ETV4: variants seen among roughly 807,000 people sequenced by gnomAD.
ETV4 encodes ETS translocation variant 4.
In ETV4, 42 loss-of-function variants were observed where a neutral mutation model predicts 65.9. That is an observed-to-expected ratio of 0.64 (90% CI 0.50 to 0.82). ETV4 has a LOEUF of 0.82. Ranked by LOEUF, ETV4 falls within the 40% of genes least tolerant of loss-of-function variation. The pLI, the probability that ETV4 is intolerant of heterozygous loss-of-function variation, is 0.00. For synonymous variants in ETV4, 238 were observed against 260.0 expected (o/e 0.92, Z 0.81); for missense variants, 583 against 630.3 (o/e 0.92, Z 0.80).
chr17:43,539,956 A>G (rs535521118), intron 4 of ETV4, among the ~76,000 whole-genome samples: 16 of 152,350 alleles, frequency 1.1e-4, no homozygotes, highest in Non-Finnish European at 2.4e-4. Flanking sequence ...ACAAGCCACC[A>G]GCAGCTAAAC....
chr17:43,544,892 A>C, intron 4 of ETV4, 83 bp downstream of exon 4: 1 of 1,316,992 alleles, frequency 7.6e-7, no homozygotes. Context: ...GGAGAAGTGT[A>C]GGGCTTAGGG....
chr17:43,544,803 G>C (rs1449732977), intron 4 of ETV4, 172 bp downstream of exon 4: 2 of 612,156 alleles, frequency 3.3e-6, no homozygotes, highest in African/African-American at 3.7e-5. Flanking sequence ...AAGTGTCCAC[G>C]CTGGGTGCTG....
intron 10 of ETV4, 95 bp from the exon 11 acceptor site, chr17:43,529,771 C>T (rs1970795678): frequency 2.5e-6 from 4 of 1,597,838 alleles, no homozygotes; most frequent in Non-Finnish European, 3.4e-6. Context: ...GGGGTCTCCC[C>T]AGGTACTTTT....
intron 8 of ETV4, among the ~76,000 whole-genome samples, chr17:43,530,897 G>A (rs944429599): frequency 1.3e-5 from 2 of 152,140 alleles, no homozygotes; most frequent in African/African-American, 4.8e-5. Context: ...AGGCGGGAGG[G>A]TGGGCTCATT....
intron 8 of ETV4, among the ~76,000 whole-genome samples, chr17:43,531,319 C>T (rs947137990): frequency 3.3e-5 from 5 of 152,224 alleles, no homozygotes; most frequent in Non-Finnish European, 5.9e-5. Flanking sequence ...GACTGGCCCT[C>T]CTTCGGCCCT....
At chr17:43,541,198 C>A (rs12603164) in intron 4 of ETV4, among the ~76,000 whole-genome samples, 2 of 152,032 alleles carry the variant, frequency 1.3e-5, no homozygotes, top group Non-Finnish European at 2.9e-5. Flanking sequence ...GGCCTTCTCC[C>A]AAAGGGGTAG....
intron 5 of ETV4, 26 bp downstream of exon 5, chr17:43,536,400 C>G: frequency 6.2e-7 from 1 of 1,608,524 alleles, no homozygotes; most frequent in Non-Finnish European, 8.5e-7. Flanking sequence ...ACTCCCTATA[C>G]CCTCTCCCCA....
chr17:43,536,942 T>G (rs1448533300), intron 4 of ETV4, among the ~76,000 whole-genome samples: 1 of 152,258 alleles, frequency 6.6e-6, no homozygotes, highest in Non-Finnish European at 1.5e-5. Context: ...GCTTTGTCTT[T>G]ATTTCCTCCA....
chr17:43,534,116 ATTTTC>A, intron 5 of ETV4, 131 bp from the exon 6 acceptor site: 1 of 968,546 alleles, frequency 1.0e-6, no homozygotes, highest in Non-Finnish European at 1.4e-6. Flanking sequence ...CTGGGTATCA[ATTTTC>A]TGAGACCCGC....
intron 4 of ETV4, among the ~76,000 whole-genome samples, chr17:43,542,201 A>G (rs1265938886): frequency 6.6e-6 from 1 of 152,100 alleles, no homozygotes; most frequent in African/African-American, 2.4e-5. Context: ...GATAAAAGCT[A>G]TGGGTCATTC....
chr17:43,537,417 G>T (rs754488871), intron 4 of ETV4, among the ~76,000 whole-genome samples: 8 of 151,748 alleles, frequency 5.3e-5, no homozygotes, highest in Non-Finnish European at 7.4e-5. Context: ...GGGGTGGCTG[G>T]GCGCAGTGGT....
intron 8 of ETV4, chr17:43,530,457 C>A: frequency 1.5e-6 from 2 of 1,344,390 alleles, no homozygotes; most frequent in Non-Finnish European, 1.9e-6. Flanking sequence ...GCCCAAGCTG[C>A]CAGGGAGCAG....
At position 43,546,202 on chromosome 17, in the gene ETV4, G is replaced by A. The variant is rs1971812730; in HGVS notation, c.-69C>T. ...AGCCTCACCTGAGGCCGGGGCGTCTGGGCTGGAGCCGCGGGGGGTCCCGAG... is the reference window on the plus strand; with the variant it reads ...AGCCTCACCTGAGGCCGGGGCGTCTAGGCTGGAGCCGCGGGGGGTCCCGAG... On this transcript the variant is annotated 5_prime_UTR_variant, in exon 1 of 13. Coordinates refer to ENST00000319349, the MANE Select transcript of ETV4 (RefSeq NM_001079675.5). The A allele has an allele frequency of 6.5e-6, 1 of 153,812 alleles. No homozygotes were observed. The highest frequency in any genetic ancestry group is 1.4e-5 in the Non-Finnish European group (1 of 69,282). 9.5% of individuals were successfully genotyped at this position (153,812 alleles called of 1,614,324 possible).
At chr17:43,535,993 C>T (rs959482913) in intron 5 of ETV4, among the ~76,000 whole-genome samples, 1 of 152,178 alleles carries the variant, frequency 6.6e-6, no homozygotes. Flanking sequence ...TGCCTGTAAT[C>T]CCAGCTACTC....
intron 5 of ETV4, among the ~76,000 whole-genome samples, chr17:43,536,024 T>C (rs1364743955): frequency 6.6e-6 from 1 of 152,206 alleles, no homozygotes; most frequent in Non-Finnish European, 1.5e-5. Context: ...GGCAGGAGAA[T>C]GGCTTAAACC....
chr17:43,537,190 A>G (rs901880001), intron 4 of ETV4, among the ~76,000 whole-genome samples: 136 of 151,864 alleles, frequency 9.0e-4, no homozygotes, highest in African/African-American at 3.2e-3. Flanking sequence ...ACATGACGAA[A>G]CCCCATCTTT....
chr17:43,545,610 C>T lies in ETV4; in HGVS notation c.8G>A (p.Arg3Gln), dbSNP rs1426178575. The T allele has an allele frequency of 2.1e-5, 32 of 1,550,814 alleles. No homozygotes were observed. Among genetic ancestry groups the T allele is most frequent in the Middle Eastern group, 1.8e-4 (1 of 5,696 alleles). The part of the protein sequence containing the change: ME[R>Q]RMKAGYLDQQ... ...GTCCAAGTATCCGGCTTTCATCCTC[C>T]GCTCCATCCGGCCGCTCCCTCCGGC... is the stretch of plus-strand genomic sequence containing the variant. Residue 3 changes from arginine to glutamine, a missense_variant, in exon 2 of 13, where the codon CGG (arginine) becomes CAG (glutamine). Arg to Gln is a conservative substitution (Grantham distance 43). Transcript: ENST00000319349.
chr17:43,529,068 C>T, intron 12 of ETV4, 67 bp downstream of exon 12: 2 of 1,446,436 alleles, frequency 1.4e-6, no homozygotes, highest in Admixed American at 1.7e-5. Context: ...CCTGCTGACC[C>T]TCTCCCCAGT....
chr17:43,546,077 C>T (rs2154587355), intron 1 of ETV4, 108 bp downstream of exon 1: 1 of 188,190 alleles, frequency 5.3e-6, no homozygotes, highest in South Asian at 9.9e-5. Context: ...CCTCCCACCC[C>T]CGCCCTGGAA....
Sources: gnomAD v4.1 joint callset for allele counts (sites outside exome capture counted in the v4.1 genomes callset) on GRCh38, gnomAD v4.1.1 for gene constraint, MANE v1.5 for transcripts, NCBI Gene and HGNC (gene_info 2026-07-23, HGNC 2026-07-21) for gene names.